Variants in RELN observed in about 807,000 individuals in gnomAD.
RELN encodes reelin.
Under a neutral mutation model 427.6 loss-of-function variants are expected in RELN, and 108 were observed. The ratio of observed to expected loss-of-function variants is 0.25; its 90% CI spans 0.22 to 0.30. The LOEUF is 0.30. Among genes scored for constraint, RELN ranks in the 10% least tolerant of loss-of-function variants. The pLI, the probability that RELN is intolerant of heterozygous loss-of-function variation, is 1.00. For missense variants in RELN, 3,715 were observed against 4,302.8 expected (o/e 0.86, Z 3.82); for synonymous variants, 1,524 against 1,513.4 (o/e 1.01, Z -0.16).
At chr7:103,559,405 G>T (rs1314131526) in intron 36 of RELN, among the ~76,000 whole-genome samples, 4 of 152,108 alleles carry the variant, frequency 2.6e-5, no homozygotes, top group African/African-American at 7.2e-5. Context: ...CATACTTCAG[G>T]ACAGGTTGCC....
chr7:103,874,973 G>A (rs1453436641), intron 2 of RELN, among the ~76,000 whole-genome samples: 1 of 146,454 alleles, frequency 6.8e-6, no homozygotes, highest in Non-Finnish European at 1.5e-5. Context: ...CAAGGCTACA[G>A]TAACCAAAAC....
At chr7:103,578,537 C>G (rs1425307711) in intron 28 of RELN, among the ~76,000 whole-genome samples, 1 of 152,108 alleles carries the variant, frequency 6.6e-6, no homozygotes, top group African/African-American at 2.4e-5. Context: ...TGGCCATGAC[C>G]TCAGCACGTT....
intron 12 of RELN, among the ~76,000 whole-genome samples, chr7:103,656,473 T>C (rs540872829): frequency 2.4e-4 from 36 of 151,720 alleles, no homozygotes; most frequent in African/African-American, 8.5e-4. Context: ...AAGGAGAGAG[T>C]TTAGCACACA....
chr7:103,524,227 T>C (rs996225076), intron 46 of RELN, among the ~76,000 whole-genome samples: 1 of 152,114 alleles, frequency 6.6e-6, no homozygotes, highest in African/African-American at 2.4e-5. Flanking sequence ...TCAGAAAAGA[T>C]GACTATCTCC....
At chr7:103,698,705 A>G (rs573349430) in intron 9 of RELN, among the ~76,000 whole-genome samples, 3 of 151,974 alleles carry the variant, frequency 2.0e-5, no homozygotes, top group Admixed American at 6.6e-5. Flanking sequence ...TTGTTGAAAT[A>G]GGTCTTGCTA....
At chr7:103,954,292 G>A (rs752502341) in intron 1 of RELN, among the ~76,000 whole-genome samples, 17 of 152,040 alleles carry the variant, frequency 1.1e-4, no homozygotes, top group African/African-American at 2.9e-4. Context: ...TACCAGCCTC[G>A]TGTAATTCAT....
intron 45 of RELN, among the ~76,000 whole-genome samples, chr7:103,537,566 A>G (rs1193375575): frequency 1.3e-5 from 2 of 152,202 alleles, no homozygotes; most frequent in Non-Finnish European, 2.9e-5. Flanking sequence ...AGAAAGTACA[A>G]GTGACTGGGC....
chr7:103,858,529 T>A (rs545423209), intron 2 of RELN, among the ~76,000 whole-genome samples: 1 of 152,206 alleles, frequency 6.6e-6, no homozygotes. Context: ...ATAATTTTCA[T>A]GGAACTATTA....
intron 2 of RELN, among the ~76,000 whole-genome samples, chr7:103,883,076 A>C (rs1314039346): frequency 6.6e-6 from 1 of 152,198 alleles, no homozygotes; most frequent in African/African-American, 2.4e-5. Context: ...CACATCAAAA[A>C]TCCTATCCAC....
chr7:103,966,037 A>C (rs1214515482), intron 1 of RELN, among the ~76,000 whole-genome samples: 7 of 152,190 alleles, frequency 4.6e-5, no homozygotes, highest in Non-Finnish European at 1.0e-4. Flanking sequence ...AAATGACTAT[A>C]ACAAAGCCAA....
intron 3 of RELN, among the ~76,000 whole-genome samples, chr7:103,785,743 G>A (rs1182510976): frequency 6.6e-6 from 1 of 151,970 alleles, no homozygotes; most frequent in African/African-American, 2.4e-5. Flanking sequence ...TTATTTTCAG[G>A]GCTGTGATGA....
intron 6 of RELN, among the ~76,000 whole-genome samples, chr7:103,739,718 C>T (rs1790591331): frequency 6.6e-6 from 1 of 152,212 alleles, no homozygotes; most frequent in Non-Finnish European, 1.5e-5. Context: ...AGTCAATCAG[C>T]AGCCGCTGGG....
intron 40 of RELN, among the ~76,000 whole-genome samples, chr7:103,552,942 T>C (rs1320520469): frequency 6.6e-6 from 1 of 152,144 alleles, no homozygotes. Flanking sequence ...AATATATAAA[T>C]ATTTTTATGT....
intron 3 of RELN, among the ~76,000 whole-genome samples, chr7:103,830,631 C>T (rs39360): frequency 0.37 from 55,668 of 151,530 alleles, 10,607 homozygotes; most frequent in Non-Finnish European, 0.42. Context: ...TATAGCTCTA[C>T]TCAATATGTA....
intron 12 of RELN, among the ~76,000 whole-genome samples, chr7:103,657,440 CCAAAAAAGGA>C (rs1259280883): frequency 4.0e-5 from 6 of 151,862 alleles, no homozygotes; most frequent in African/African-American, 1.4e-4. Flanking sequence ...TAAGGATTTA[CCAAAAAAGGA>C]CAAAAAAGGT....
chr7:103,782,862 C>T (rs1349113070), intron 3 of RELN, among the ~76,000 whole-genome samples: 1 of 152,106 alleles, frequency 6.6e-6, no homozygotes, highest in Non-Finnish European at 1.5e-5. Context: ...TGCACTTTAC[C>T]TCCAGGGGTG....
At chr7:103,783,993 G>A (rs1791957066) in intron 3 of RELN, among the ~76,000 whole-genome samples, 1 of 152,132 alleles carries the variant, frequency 6.6e-6, no homozygotes, top group Non-Finnish European at 1.5e-5. Flanking sequence ...AAGAGAAGGA[G>A]ACATTTATCA....
At chr7:103,475,001 G>A (rs565710630) in intron 64 of RELN, among the ~76,000 whole-genome samples, 1 of 152,154 alleles carries the variant, frequency 6.6e-6, no homozygotes, top group African/African-American at 2.4e-5. Flanking sequence ...TCTTATCTAT[G>A]GAGCAACAGC....
chr7:103,882,739 A>C (rs1366686846), intron 2 of RELN, among the ~76,000 whole-genome samples: 1 of 152,228 alleles, frequency 6.6e-6, no homozygotes, highest in East Asian at 1.9e-4. Context: ...AGACTAAACC[A>C]GGGAGAAGTT....
Sources: gnomAD v4.1 joint callset for allele counts (sites outside exome capture counted in the v4.1 genomes callset) on GRCh38, gnomAD v4.1.1 for gene constraint, MANE v1.5 for transcripts, NCBI Gene and HGNC (gene_info 2026-07-23, HGNC 2026-07-21) for gene names.